GALNT13: variants seen among roughly 807,000 people sequenced by gnomAD.
The protein encoded by GALNT13 is UDP-GalNAc:polypeptide N-acetylgalactosaminyltransferase 13.
A neutral mutation model predicts 64.2 loss-of-function variants in GALNT13; 28 were observed. That is an observed-to-expected ratio of 0.44 (90% CI 0.32 to 0.60). GALNT13 has a LOEUF of 0.60. Among genes scored for constraint, GALNT13 ranks in the 20% least tolerant of loss-of-function variants. GALNT13 has a pLI of 0.05. For synonymous variants in GALNT13, 214 were observed against 224.6 expected (o/e 0.95, Z 0.42); for missense variants, 577 against 669.8 (o/e 0.86, Z 1.53).
chr2:153,628,254 A>C, the GALNT13 span, among the ~76,000 whole-genome samples: 5 of 151,652 alleles, frequency 3.3e-5, no homozygotes, highest in Non-Finnish European at 5.9e-5. Context: ...GGCTGAGACA[A>C]TGGGGTTTTC....
chr2:153,940,248 T>A (rs1313699849), intron 2 of GALNT13, among the ~76,000 whole-genome samples: 1 of 145,126 alleles, frequency 6.9e-6, no homozygotes, highest in Admixed American at 6.9e-5. Context: ...TGGGTTTAAC[T>A]TAAGTTTTTG....
chr2:153,951,007 A>T (rs1243662802), intron 3 of GALNT13, among the ~76,000 whole-genome samples: 2 of 152,158 alleles, frequency 1.3e-5, no homozygotes, highest in Non-Finnish European at 2.9e-5. Context: ...ACTAAAATTT[A>T]AAAAATGTAG....
chr2:153,867,151 T>C (rs1685781315), upstream of GALNT13, among the ~76,000 whole-genome samples: 1 of 152,222 alleles, frequency 6.6e-6, no homozygotes, highest in African/African-American at 2.4e-5. Context: ...TAAATCTTTG[T>C]GTTATTAGCT....
the GALNT13 span, among the ~76,000 whole-genome samples, chr2:153,560,909 C>T: frequency 6.6e-6 from 1 of 152,018 alleles, no homozygotes; most frequent in Non-Finnish European, 1.5e-5. Context: ...TTAGAATTAA[C>T]ACCTTTATGT....
At chr2:153,260,307 A>G in the GALNT13 span, among the ~76,000 whole-genome samples, 20 of 152,196 alleles carry the variant, frequency 1.3e-4, no homozygotes, top group Non-Finnish European at 2.6e-4. Flanking sequence ...ATACCTTCAC[A>G]TGATTTCTTA....
chr2:153,626,405 C>G, the GALNT13 span, among the ~76,000 whole-genome samples: 2 of 152,092 alleles, frequency 1.3e-5, no homozygotes, highest in East Asian at 3.9e-4. Flanking sequence ...TTTAAAAATG[C>G]AGGATTTCTG....
intron 3 of GALNT13, among the ~76,000 whole-genome samples, chr2:154,077,821 T>A (rs1701065864): frequency 6.6e-6 from 1 of 151,594 alleles, no homozygotes; most frequent in Non-Finnish European, 1.5e-5. Flanking sequence ...AAATTATGTC[T>A]GTCCACATGG....
the GALNT13 span, among the ~76,000 whole-genome samples, chr2:153,282,130 C>T: frequency 4.8e-3 from 727 of 150,978 alleles, 9 homozygotes; most frequent in Non-Finnish European, 6.3e-3. Flanking sequence ...ATTTTTTTTT[C>T]TGACTGGGTT....
At chr2:153,926,664 C>G (rs1284633414) in intron 2 of GALNT13, among the ~76,000 whole-genome samples, 1 of 152,054 alleles carries the variant, frequency 6.6e-6, no homozygotes, top group African/African-American at 2.4e-5. Context: ...CTCATTTATT[C>G]TGTTTTGTGA....
At chr2:154,284,550 C>CACACACACACACAT (rs1271083683) in intron 8 of GALNT13, among the ~76,000 whole-genome samples, 18 of 150,764 alleles carry the variant, frequency 1.2e-4, no homozygotes, top group African/African-American at 4.4e-4. Flanking sequence ...CACACACACA[C>CACACACACACACAT]ATATATATGT....
the GALNT13 span, among the ~76,000 whole-genome samples, chr2:153,847,460 T>C: frequency 6.6e-6 from 1 of 151,862 alleles, no homozygotes; most frequent in Non-Finnish European, 1.5e-5. Flanking sequence ...AGAGTGGAAA[T>C]ATAACATATT....
chr2:153,229,588 AT>A, the GALNT13 span, among the ~76,000 whole-genome samples: 1 of 152,118 alleles, frequency 6.6e-6, no homozygotes, highest in Non-Finnish European at 1.5e-5. Flanking sequence ...TTAATCGCCT[AT>A]TTTTGGTTGT....
the GALNT13 span, among the ~76,000 whole-genome samples, chr2:153,416,286 G>T: frequency 6.6e-6 from 1 of 152,164 alleles, no homozygotes; most frequent in African/African-American, 2.4e-5. Context: ...TGTCTCATAG[G>T]TCTCTTCCAG....
the GALNT13 span, among the ~76,000 whole-genome samples, chr2:153,684,447 C>T: frequency 1.5e-4 from 22 of 151,588 alleles, no homozygotes; most frequent in South Asian, 4.0e-3. Context: ...CTAGGAGTCA[C>T]GTCACATTGC....
chr2:153,541,996 A>C, the GALNT13 span, among the ~76,000 whole-genome samples: 5 of 152,266 alleles, frequency 3.3e-5, no homozygotes, highest in East Asian at 9.7e-4. Flanking sequence ...CTTGGCCCTG[A>C]CAAGTTGCAA....
the GALNT13 span, among the ~76,000 whole-genome samples, chr2:153,112,645 G>T: frequency 2.5e-4 from 38 of 152,136 alleles, 1 homozygote; most frequent in African/African-American, 9.2e-4. Context: ...ATAAGCACCA[G>T]AATTTTGAAA....
At chr2:153,893,743 A>C (rs967015993) in intron 1 of GALNT13, among the ~76,000 whole-genome samples, 10 of 152,046 alleles carry the variant, frequency 6.6e-5, no homozygotes, top group African/African-American at 2.4e-4. Flanking sequence ...ACAAGCCATA[A>C]TTTACTTAGT....
the GALNT13 span, among the ~76,000 whole-genome samples, chr2:153,821,533 A>T: frequency 6.6e-6 from 1 of 152,190 alleles, no homozygotes; most frequent in Admixed American, 6.5e-5. Flanking sequence ...AAATTCTTCA[A>T]AGTTAAAGAA....
the GALNT13 span, among the ~76,000 whole-genome samples, chr2:153,745,284 T>C: frequency 6.6e-6 from 1 of 152,224 alleles, no homozygotes; most frequent in Non-Finnish European, 1.5e-5. Flanking sequence ...AAAGAGCTGG[T>C]TATTTAAAAA....
Sources: allele counts gnomAD v4.1 joint callset (sites outside exome capture counted in the v4.1 genomes callset), GRCh38; gene constraint gnomAD v4.1.1; transcripts MANE v1.5; gene names NCBI Gene and HGNC (gene_info 2026-07-23, HGNC 2026-07-21).